SNX13: variants seen among roughly 807,000 people sequenced by gnomAD.
The protein encoded by SNX13 is sorting nexin-13.
SNX13 carries 45 observed loss-of-function variants against 133.6 expected under a neutral mutation model. The observed-to-expected ratio is 0.34, with a 90% CI of 0.27 to 0.43. The LOEUF (loss-of-function observed/expected upper bound fraction) is 0.43. SNX13 is among the 20% of genes least tolerant of loss of function. The pLI, the probability that SNX13 is intolerant of heterozygous loss-of-function variation, is 1.00. For synonymous variants in SNX13, 414 were observed against 373.9 expected (o/e 1.11, Z -1.24); for missense variants, 1,032 against 1,145.1 (o/e 0.90, Z 1.43).
chr7:17,873,668 C>G, intron 7 of SNX13, 52 bp from the exon 8 acceptor site: 1 of 1,128,666 alleles, frequency 8.9e-7, no homozygotes. Context: ...AAAGTCTACA[C>G]TTCCTCTTGA....
chr7:17,893,306 G>T (rs889811597), intron 3 of SNX13, 26 bp downstream of exon 3: 24 of 1,465,428 alleles, frequency 1.6e-5, no homozygotes, highest in Non-Finnish European at 2.2e-5. Context: ...GGACTTTGAG[G>T]TTTTATATTC....
chr7:17,926,781 G>A (rs553867942), intron 1 of SNX13, among the ~76,000 whole-genome samples: 2 of 152,258 alleles, frequency 1.3e-5, no homozygotes, highest in East Asian at 3.9e-4. Context: ...AGCTACTTGG[G>A]GGGCTGAGGC....
chr7:17,866,568 A>T (rs1201663819), intron 9 of SNX13, among the ~76,000 whole-genome samples: 1 of 152,222 alleles, frequency 6.6e-6, no homozygotes, highest in Admixed American at 6.5e-5. Flanking sequence ...GCCATTAAAA[A>T]AAGAATGAAA....
intron 15 of SNX13, 75 bp downstream of exon 15, chr7:17,833,977 T>C (rs998368586): frequency 6.8e-6 from 8 of 1,172,674 alleles, no homozygotes; most frequent in Admixed American, 7.2e-5. Context: ...TTTTAACTTA[T>C]ACAAAAGCTC....
In SNX13 at chr7:17,888,027, A is replaced by T. The variant is rs2714877; in HGVS notation, c.440+2336T>A. The stretch of plus-strand genomic sequence containing the variant: ...CTGAAGTATATGAATGATTGTAAAC[A>T]GACTAATCTTCCTGATATTGGCACC... On this transcript the variant is annotated intron_variant, in intron 5 of 25. Transcript: ENST00000428135. 4 of 151,842 alleles carry T rather than the reference A, an allele frequency of 2.6e-5. No homozygotes were observed. In the East Asian group the frequency reaches 5.8e-4, roughly 22 times the overall value. 9.4% of individuals were successfully genotyped at this position (151,842 alleles called of 1,614,324 possible).
At chr7:17,838,559 ATTG>A (rs1338360188) in intron 13 of SNX13, among the ~76,000 whole-genome samples, 2 of 151,812 alleles carry the variant, frequency 1.3e-5, no homozygotes, top group African/African-American at 4.8e-5. Context: ...GTAAAAAAAG[ATTG>A]TTGATTGTAG....
At chr7:17,934,392 G>A (rs890631161) in intron 1 of SNX13, among the ~76,000 whole-genome samples, 2 of 152,180 alleles carry the variant, frequency 1.3e-5, no homozygotes, top group Non-Finnish European at 2.9e-5. Context: ...ATGTCAACTT[G>A]ACTATATTAA....
chr7:17,814,766 C>A, intron 20 of SNX13, 68 bp downstream of exon 20: 1 of 1,267,366 alleles, frequency 7.9e-7, no homozygotes. Context: ...AATTTATTTT[C>A]TTTTATTACA....
At chr7:17,798,848 T>C (rs972117457) in intron 23 of SNX13, 90 bp from the exon 24 acceptor site, 4 of 1,222,242 alleles carry the variant, frequency 3.3e-6, no homozygotes, top group Non-Finnish European at 4.6e-6. Context: ...CAACTTAATC[T>C]GGATGTAAAT....
intron 1 of SNX13, among the ~76,000 whole-genome samples, chr7:17,921,445 C>A (rs1485161310): frequency 6.6e-6 from 1 of 152,150 alleles, no homozygotes; most frequent in Non-Finnish European, 1.5e-5. Context: ...AAAGTCAAAA[C>A]AAACACTTCC....
At chr7:17,832,510 T>C (rs941297618) in intron 15 of SNX13, 162 of 979,324 alleles carry the variant, frequency 1.7e-4, no homozygotes, top group East Asian at 8.0e-4. Flanking sequence ...ATTTCTAAAA[T>C]AGATAAAATT....
chr7:17,844,264 T>C (rs973235970), intron 12 of SNX13, among the ~76,000 whole-genome samples: 1 of 151,962 alleles, frequency 6.6e-6, no homozygotes, highest in African/African-American at 2.4e-5. Context: ...AAACTAAAAG[T>C]ACTATGAACA....
At chr7:17,923,497 G>A (rs1800366790) in intron 1 of SNX13, among the ~76,000 whole-genome samples, 1 of 152,150 alleles carries the variant, frequency 6.6e-6, no homozygotes, top group Non-Finnish European at 1.5e-5. Context: ...CGATCCTCAA[G>A]AATACCATGA....
chr7:17,865,934 G>A (rs543191821), intron 9 of SNX13, among the ~76,000 whole-genome samples: 10 of 152,190 alleles, frequency 6.6e-5, no homozygotes, highest in Middle Eastern at 3.4e-3. Context: ...ACTGGATATC[G>A]ATACGCAGAG....
chr7:17,865,895 C>A (rs1037926392), intron 9 of SNX13, among the ~76,000 whole-genome samples: 4 of 152,092 alleles, frequency 2.6e-5, no homozygotes, highest in African/African-American at 9.7e-5. Flanking sequence ...GGGAAAAAAA[C>A]AGTCACTTTA....
At chr7:17,868,626 G>T in intron 8 of SNX13, 136 bp from the exon 9 acceptor site, 1 of 622,042 alleles carries the variant, frequency 1.6e-6, no homozygotes, top group Non-Finnish European at 2.7e-6. Context: ...AAGCAACACA[G>T]TCTTATAAAA....
At chr7:17,883,581 C>T in intron 5 of SNX13, among the ~76,000 whole-genome samples, 1 of 151,982 alleles carries the variant, frequency 6.6e-6, no homozygotes. Flanking sequence ...TTAATACATA[C>T]TTTTAATTCT....
In SNX13 at chr7:17,821,635, A is replaced by T. The variant is rs749815992; in HGVS notation, c.1719T>A (p.Asp573Glu). ...AYISDTGVCN[D>E]HGKTYALYAI... ...CATATAATGCATATGTCTTGCCATG[A>T]TCATTACAAACGCCTGCCACAGCAT... Residue 573 changes from aspartate (D) to glutamate (E), a missense_variant, in exon 18 of 26, where the codon GAT (aspartate) becomes GAA (glutamate). By Grantham distance (45) the Asp-to-Glu change is conservative. Transcript: ENST00000428135. 34 of 1,613,334 alleles carry T rather than the reference A, an allele frequency of 2.1e-5. No individual in the cohort carries two copies. Among genetic ancestry groups the T allele is most frequent in the Middle Eastern group, 1.6e-4 (1 of 6,082 alleles).
chr7:17,797,011 C>G lies in SNX13; in HGVS notation c.2514-72G>C, dbSNP rs577998665. ...ATGATACAAGTTGATAAAATTATTT[C>G]AAATTTCTACAGAAAATACAAATGT... On this transcript the variant is annotated intron_variant, in intron 24 of 25. Transcript: ENST00000428135. 9 of 1,122,854 alleles carry G rather than the reference C, an allele frequency of 8.0e-6. No individual in the cohort carries two copies. In the African/African-American group the frequency reaches 1.2e-4, roughly 16 times the overall value. 69.6% of individuals were successfully genotyped at this position (1,122,854 alleles called of 1,614,324 possible).
Sources: gnomAD v4.1 joint callset for allele counts (sites outside exome capture counted in the v4.1 genomes callset) on GRCh38, gnomAD v4.1.1 for gene constraint, MANE v1.5 for transcripts, NCBI Gene and HGNC (gene_info 2026-07-23, HGNC 2026-07-21) for gene names.